Variants in LRIF1 observed in about 807,000 individuals in gnomAD.
The protein encoded by LRIF1 is ligand-dependent nuclear receptor-interacting factor 1.
In LRIF1, 32 loss-of-function variants were observed where a neutral mutation model predicts 52.7. The ratio of observed to expected loss-of-function variants is 0.61; its 90% confidence interval spans 0.46 to 0.82. LRIF1 has a LOEUF of 0.82. LRIF1 is among the 40% of genes least tolerant of loss of function. The probability of loss-of-function intolerance (pLI) is 0.00; values close to 1 mark genes in which losing one functional copy is unlikely to be tolerated. For missense variants in LRIF1, 887 were observed against 892.0 expected, an observed-to-expected ratio of 0.99 and a Z score of 0.07; for synonymous variants, 323 against 317.4, an observed-to-expected ratio of 1.02 and a Z score of -0.19.
chr1:110,885,691 C>T, the LRIF1 span, among the ~76,000 whole-genome samples: 5 of 151,700 alleles, frequency 3.3e-5, no homozygotes, highest in Non-Finnish European at 7.4e-5. Flanking sequence ...GGCGAAACCC[C>T]CTCTCTACTA....
chr1:110,957,470 CAAAAAAAAAAA>C (rs34396800), intron 1 of LRIF1, among the ~76,000 whole-genome samples: 9 of 42,802 alleles, frequency 2.1e-4, no homozygotes, highest in Non-Finnish European at 3.1e-4. Flanking sequence ...GACTCAGTCT[CAAAAAAAAAAA>C]AAAAAAAAAA....
the LRIF1 span, among the ~76,000 whole-genome samples, chr1:110,934,371 T>TCAAG: frequency 1.4e-4 from 21 of 152,172 alleles, no homozygotes; most frequent in African/African-American, 1.9e-4. Flanking sequence ...AACAGGCGGA[T>TCAAG]CAAGAACCAA....
chr1:110,900,422 A>G, the LRIF1 span, among the ~76,000 whole-genome samples: 2 of 152,202 alleles, frequency 1.3e-5, no homozygotes, highest in Non-Finnish European at 2.9e-5. Flanking sequence ...GCTGGAGTGC[A>G]GTGGCACAAT....
At chr1:110,958,277 T>C (rs1658794645) in intron 1 of LRIF1, among the ~76,000 whole-genome samples, 1 of 152,212 alleles carries the variant, frequency 6.6e-6, no homozygotes, top group Non-Finnish European at 1.5e-5. Context: ...AGTATTATTA[T>C]TTTTCTTCTC....
At chr1:110,906,550 G>C in the LRIF1 span, among the ~76,000 whole-genome samples, 2 of 151,952 alleles carry the variant, frequency 1.3e-5, no homozygotes, top group East Asian at 1.9e-4. Context: ...TCTCAAAAGA[G>C]AGACAGAGAA....
the LRIF1 span, among the ~76,000 whole-genome samples, chr1:110,900,647 A>G: frequency 7.7e-3 from 1,162 of 151,826 alleles, 22 homozygotes; most frequent in African/African-American, 0.027. Context: ...GATTACAGGC[A>G]TGAGCCACGC....
the LRIF1 span, among the ~76,000 whole-genome samples, chr1:110,901,864 C>A: frequency 6.6e-6 from 1 of 152,308 alleles, no homozygotes; most frequent in East Asian, 1.9e-4. Flanking sequence ...TCCAAATCTG[C>A]TTCTCTTCTT....
chr1:110,897,515 A>G, the LRIF1 span, among the ~76,000 whole-genome samples: 3 of 152,222 alleles, frequency 2.0e-5, no homozygotes, highest in Non-Finnish European at 2.9e-5. Context: ...GTTCAAAGAC[A>G]GTAGGACGTC....
the LRIF1 span, among the ~76,000 whole-genome samples, chr1:110,935,924 T>C: frequency 6.6e-6 from 1 of 151,128 alleles, no homozygotes; most frequent in Admixed American, 6.6e-5. Flanking sequence ...AAAGATCAAG[T>C]ATAAAGAAAT....
At chr1:110,942,187 A>G in the LRIF1 span, 1 of 152,128 alleles carries the variant, frequency 6.6e-6, no homozygotes, top group East Asian at 1.9e-4. Flanking sequence ...CAACTAATAA[A>G]CTTTTGCATT....
At chr1:110,912,638 C>T in the LRIF1 span, among the ~76,000 whole-genome samples, 1,312 of 152,256 alleles carry the variant, frequency 8.6e-3, 20 homozygotes, top group African/African-American at 0.03. Context: ...TGAAAGATTT[C>T]TACAAAAAGA....
At chr1:110,943,951 G>C (rs924226090), downstream of LRIF1, 1 of 152,156 alleles carries the variant, frequency 6.6e-6, no homozygotes, top group Non-Finnish European at 1.5e-5. Flanking sequence ...TGCTCACCTT[G>C]AATCTCTAGT....
chr1:110,940,786 T>C, the LRIF1 span: 1 of 152,040 alleles, frequency 6.6e-6, no homozygotes, highest in African/African-American at 2.4e-5. Flanking sequence ...ATCAAAACAA[T>C]TGAACTCATG....
At chr1:110,938,114 C>G in the LRIF1 span, 1 of 152,104 alleles carries the variant, frequency 6.6e-6, no homozygotes. Flanking sequence ...CTTCACTACT[C>G]AATTCTATCA....
At chr1:110,936,029 G>A in the LRIF1 span, among the ~76,000 whole-genome samples, 8 of 152,062 alleles carry the variant, frequency 5.3e-5, no homozygotes, top group African/African-American at 1.4e-4. Flanking sequence ...TATAGGCCAA[G>A]AGAGAGTGGC....
intron 1 of LRIF1, among the ~76,000 whole-genome samples, chr1:110,959,867 T>C (rs1658874635): frequency 1.3e-5 from 2 of 151,886 alleles, no homozygotes; most frequent in Non-Finnish European, 2.9e-5. Context: ...ATATTAGAAA[T>C]AGACTAATAA....
the LRIF1 span, chr1:110,939,376 T>C: frequency 2.2e-5 from 1 of 46,352 alleles, no homozygotes; most frequent in Admixed American, 3.0e-4. Flanking sequence ...AGACTCCGTC[T>C]CAAAAAAAAA....
the LRIF1 span, among the ~76,000 whole-genome samples, chr1:110,876,569 C>G: frequency 6.6e-6 from 1 of 152,072 alleles, no homozygotes; most frequent in Non-Finnish European, 1.5e-5. Context: ...TCTTTTAAAA[C>G]TTGTTAAAGT....
intron 1 of LRIF1, among the ~76,000 whole-genome samples, chr1:110,956,714 G>C (rs1022294763): frequency 3.3e-5 from 5 of 152,182 alleles, no homozygotes; most frequent in African/African-American, 1.2e-4. Context: ...AGGTGACAAA[G>C]AGATTATCCA....
Sources: gnomAD v4.1 joint callset for allele counts (sites outside exome capture counted in the v4.1 genomes callset) on GRCh38, gnomAD v4.1.1 for gene constraint, MANE v1.5 for transcripts, NCBI Gene and HGNC (gene_info 2026-07-23, HGNC 2026-07-21) for gene names.